The following BTBD9 variants were observed in gnomAD, a reference collection of about 807,000 sequenced individuals.
The protein encoded by BTBD9 is BTB/POZ domain-containing protein 9.
In BTBD9, 49 loss-of-function variants were observed where a neutral mutation model predicts 64.3. That is an observed-to-expected ratio of 0.76 (90% CI 0.61 to 0.97). BTBD9 has a LOEUF of 0.97. BTBD9 is among the 50% of genes least tolerant of loss of function. BTBD9 has a pLI of 0.00. For synonymous variants in BTBD9, 260 were observed against 274.7 expected, an observed-to-expected ratio of 0.95 and a Z score of 0.53; for missense variants, 598 against 762.1, an observed-to-expected ratio of 0.78 and a Z score of 2.53.
chr6:38,312,305 A>G (rs893257810), intron 7 of BTBD9, among the ~76,000 whole-genome samples: 1 of 152,174 alleles, frequency 6.6e-6, no homozygotes, highest in Non-Finnish European at 1.5e-5. Context: ...TATTCTGGTT[A>G]TTAATCCCTT....
intron 8 of BTBD9, among the ~76,000 whole-genome samples, chr6:38,264,707 G>A (rs1031187401): frequency 6.6e-6 from 1 of 152,194 alleles, no homozygotes; most frequent in Non-Finnish European, 1.5e-5. Flanking sequence ...CTCAGGTGGG[G>A]AGCAAGGTCC....
At chr6:38,394,669 A>G (rs1202609111) in intron 6 of BTBD9, among the ~76,000 whole-genome samples, 1 of 152,038 alleles carries the variant, frequency 6.6e-6, no homozygotes, top group Admixed American at 6.5e-5. Flanking sequence ...TAGGGGGGAA[A>G]AAAAAAAACA....
intron 6 of BTBD9, among the ~76,000 whole-genome samples, chr6:38,399,758 A>AT (rs1477365288): frequency 6.6e-6 from 1 of 151,124 alleles, no homozygotes; most frequent in Non-Finnish European, 1.5e-5. Flanking sequence ...TGTGGTTTTT[A>AT]TTTTTTTCTT....
intron 8 of BTBD9, among the ~76,000 whole-genome samples, chr6:38,279,334 A>G (rs543821758): frequency 4.9e-4 from 75 of 152,250 alleles, no homozygotes; most frequent in African/African-American, 1.8e-3. Flanking sequence ...GTATCTGAAC[A>G]AAGTGACAAA....
intron 6 of BTBD9, among the ~76,000 whole-genome samples, chr6:38,359,401 ACT>A (rs1392785682): frequency 6.6e-6 from 1 of 151,962 alleles, no homozygotes; most frequent in Non-Finnish European, 1.5e-5. Flanking sequence ...TCTGTGCTTG[ACT>A]CTCAGCAGAA....
At chr6:38,587,808 G>A (rs537264795) in intron 4 of BTBD9, 4 of 714,768 alleles carry the variant, frequency 5.6e-6, no homozygotes, top group South Asian at 5.4e-5. Context: ...AGTCTACTCA[G>A]GTTATGGCAG....
intron 6 of BTBD9, among the ~76,000 whole-genome samples, chr6:38,501,326 G>A (rs1772188022): frequency 6.6e-6 from 1 of 152,108 alleles, no homozygotes; most frequent in Admixed American, 6.6e-5. Flanking sequence ...TTCGGATTAG[G>A]AATGCTCAAC....
rs1766751405 is a variant in BTBD9 at position 38,171,374 on chromosome 6, A to G, written c.*3611T>C. The G allele has an allele frequency of 6.6e-6, 1 of 151,958 alleles. No homozygotes were observed. The highest frequency in any genetic ancestry group is 2.4e-5 in the African/African-American group (1 of 41,356). 9.4% of individuals were successfully genotyped at this position (151,958 alleles called of 1,614,324 possible). On this transcript the variant is annotated 3_prime_UTR_variant, in exon 11 of 11. Coordinates refer to ENST00000481247, the MANE Select transcript of BTBD9 (RefSeq NM_001099272.2). ...TTGCTGAAAATAATTTCTTTTCCCA[A>G]CTCTTCTAGGAATAAAACACTTTTA...
At chr6:38,610,988 C>A (rs1330123316) in intron 1 of BTBD9, among the ~76,000 whole-genome samples, 2 of 151,956 alleles carry the variant, frequency 1.3e-5, no homozygotes, top group Non-Finnish European at 2.9e-5. Flanking sequence ...ACAATATAGC[C>A]ATCAATAAGA....
chr6:38,370,805 T>C (rs1582310541), intron 6 of BTBD9, among the ~76,000 whole-genome samples: 1 of 152,236 alleles, frequency 6.6e-6, no homozygotes, highest in Non-Finnish European at 1.5e-5. Context: ...GTACTGAAAT[T>C]TGCCCTTAAC....
At chr6:38,337,207 C>G (rs1035498884) in intron 7 of BTBD9, among the ~76,000 whole-genome samples, 6 of 152,220 alleles carry the variant, frequency 3.9e-5, no homozygotes, top group Non-Finnish European at 4.4e-5. Context: ...TGTTTCTGCT[C>G]CAGAGGACAT....
At chr6:38,628,982 A>T (rs1490721237) in intron 1 of BTBD9, among the ~76,000 whole-genome samples, 1 of 152,152 alleles carries the variant, frequency 6.6e-6, no homozygotes, top group African/African-American at 2.4e-5. Context: ...TGATAGACAG[A>T]CACAGACCCA....
intron 6 of BTBD9, among the ~76,000 whole-genome samples, chr6:38,574,231 G>A (rs1775924498): frequency 1.3e-5 from 2 of 152,116 alleles, no homozygotes; most frequent in African/African-American, 4.8e-5. Context: ...GATATTATCT[G>A]CCATTAGATA....
At chr6:38,313,006 T>C (rs1303190558) in intron 7 of BTBD9, among the ~76,000 whole-genome samples, 1 of 152,232 alleles carries the variant, frequency 6.6e-6, no homozygotes, top group Non-Finnish European at 1.5e-5. Flanking sequence ...AGTATGGACA[T>C]TTTAACAATA....
In BTBD9 at chr6:38,236,544, G is replaced by A. The variant is rs182416919; in HGVS notation, c.1562+19865C>T. On this transcript the variant is annotated intron_variant, in intron 9 of 10. Coordinates refer to ENST00000481247, the MANE Select transcript of BTBD9 (RefSeq NM_001099272.2). ...CCAACACACGCAGGTCTGTAATGGG[G>A]GATATCTCCATATAAAATTCCTAAG... 2.7e-3 allele frequency among the ~76,000 whole-genome samples: 406 copies of A among 152,224 alleles called. 2 individuals carry two copies. Among genetic ancestry groups the A allele is most frequent in the African/African-American group, 8.9e-3 (368 of 41,532 alleles).
chr6:38,301,462 A>G (rs1762401164), intron 7 of BTBD9, among the ~76,000 whole-genome samples: 1 of 152,182 alleles, frequency 6.6e-6, no homozygotes, highest in South Asian at 2.1e-4. Context: ...TACCTCTGGT[A>G]GAATTTGGCT....
At chr6:38,433,690 A>G (rs1283703610) in intron 6 of BTBD9, among the ~76,000 whole-genome samples, 1 of 151,984 alleles carries the variant, frequency 6.6e-6, no homozygotes, top group Non-Finnish European at 1.5e-5. Context: ...CTTGTTGCTC[A>G]CACAAAGCCT....
chr6:38,410,505 A>G (rs530099974), intron 6 of BTBD9, among the ~76,000 whole-genome samples: 6 of 152,324 alleles, frequency 3.9e-5, no homozygotes, highest in Non-Finnish European at 8.8e-5. Context: ...AATAAAAAAT[A>G]ATGTTAATGG....
intron 10 of BTBD9, among the ~76,000 whole-genome samples, chr6:38,186,829 T>C (rs997196659): frequency 6.6e-6 from 1 of 152,244 alleles, no homozygotes; most frequent in African/African-American, 2.4e-5. Context: ...TCTGAATACA[T>C]TGCAGAGAAT....
Sources: gnomAD v4.1 joint callset for allele counts (sites outside exome capture counted in the v4.1 genomes callset) on GRCh38, gnomAD v4.1.1 for gene constraint, MANE v1.5 for transcripts, NCBI Gene and HGNC (gene_info 2026-07-23, HGNC 2026-07-21) for gene names.